Variants in WDR70 observed in about 807,000 individuals in gnomAD.
WDR70 encodes WD repeat-containing protein 70.
In WDR70, 53 loss-of-function variants were observed where a neutral mutation model predicts 88.6. The observed-to-expected ratio is 0.60, with a 90% confidence interval of 0.48 to 0.75. The LOEUF (loss-of-function observed/expected upper bound fraction) is 0.75, where lower values mean the gene tolerates loss of function less well. Among genes scored for constraint, WDR70 ranks in the 30% least tolerant of loss-of-function variants. The probability of loss-of-function intolerance (pLI) is 0.00; values close to 1 mark genes in which losing one functional copy is unlikely to be tolerated. For missense variants in WDR70, 610 were observed against 823.2 expected (o/e 0.74, Z 3.17); for synonymous variants, 280 against 270.0 (o/e 1.04, Z -0.36).
chr5:37,612,811 C>T (rs1004044523), intron 10 of WDR70, among the ~76,000 whole-genome samples: 1 of 152,116 alleles, frequency 6.6e-6, no homozygotes, highest in South Asian at 2.1e-4. Context: ...TTTAGTTATG[C>T]CTGAGTAGAT....
intron 3 of WDR70, among the ~76,000 whole-genome samples, chr5:37,390,526 G>C (rs1028103200): frequency 2.0e-5 from 3 of 151,562 alleles, no homozygotes; most frequent in Admixed American, 2.0e-4. Context: ...ATTTTTAGTA[G>C]AGACGGGGTT....
intron 8 of WDR70, among the ~76,000 whole-genome samples, chr5:37,484,435 A>G (rs1432480357): frequency 1.3e-5 from 2 of 152,182 alleles, no homozygotes; most frequent in African/African-American, 2.4e-5. Context: ...CGCGCCTGCA[A>G]TCGCAGGCAC....
chr5:37,612,035 A>G (rs1403421747), intron 10 of WDR70, among the ~76,000 whole-genome samples: 1 of 152,140 alleles, frequency 6.6e-6, no homozygotes, highest in African/African-American at 2.4e-5. Context: ...TCATTTAACA[A>G]TAATTCACAA....
intron 10 of WDR70, among the ~76,000 whole-genome samples, chr5:37,684,571 G>A (rs975985735): frequency 6.6e-6 from 1 of 152,168 alleles, no homozygotes; most frequent in African/African-American, 2.4e-5. Flanking sequence ...CTAAGGCTCC[G>A]CTCCCACTCC....
intron 11 of WDR70, among the ~76,000 whole-genome samples, chr5:37,698,925 A>C (rs1437504408): frequency 6.6e-6 from 1 of 152,198 alleles, no homozygotes; most frequent in Non-Finnish European, 1.5e-5. Flanking sequence ...GGATATGTAT[A>C]AAATATGTAT....
intron 3 of WDR70, among the ~76,000 whole-genome samples, chr5:37,385,517 T>TAAA (rs1748580926): frequency 4.9e-5 from 1 of 20,582 alleles, no homozygotes; most frequent in Admixed American, 6.0e-4. Context: ...AGAGCCTGTC[T>TAAA]CAAAAAAAAA....
intron 8 of WDR70, among the ~76,000 whole-genome samples, chr5:37,513,087 A>G (rs1161134954): frequency 6.6e-6 from 1 of 152,098 alleles, no homozygotes; most frequent in African/African-American, 2.4e-5. Context: ...GTTCCTGTTT[A>G]TATTCAATTT....
intron 8 of WDR70, among the ~76,000 whole-genome samples, chr5:37,515,275 C>G (rs1193921760): frequency 6.6e-6 from 1 of 152,176 alleles, no homozygotes; most frequent in Non-Finnish European, 1.5e-5. Flanking sequence ...AAGAACAACT[C>G]TCACGTTTTT....
chr5:37,578,427 T>C (rs1202102817), intron 9 of WDR70, among the ~76,000 whole-genome samples: 2 of 152,150 alleles, frequency 1.3e-5, no homozygotes, highest in African/African-American at 2.4e-5. Context: ...AGTTGCAGAG[T>C]AGCAGTGTAA....
chr5:37,724,955 G>T lies in WDR70; in HGVS notation c.1619G>T (p.Arg540Leu). 6.2e-7 allele frequency: 1 copy of T among 1,613,478 alleles called. No homozygotes were observed. Among genetic ancestry groups the T allele is most frequent in the Non-Finnish European group, 8.5e-7 (1 of 1,179,658 alleles). ...GTAGCTCATGCCTTGCCTATGTTCC[G>T]TGAGCCCCGCCAACGGAGTACAAGG... ...IITPHALPMF[R>L]EPRQRSTRKQ... Residue 540 changes from arginine (R) to leucine (L), a missense_variant, in exon 16 of 18, where the codon CGT becomes CTT. Transcript: ENST00000265107.
At chr5:37,489,581 C>T (rs1739999681) in intron 8 of WDR70, among the ~76,000 whole-genome samples, 1 of 152,038 alleles carries the variant, frequency 6.6e-6, no homozygotes, top group South Asian at 2.1e-4. Flanking sequence ...GGTGAACCCC[C>T]AGGCCTTTAG....
Position 37,617,620 on chromosome 5 carries a change from G to A in WDR70, c.1092+12382G>A, listed in dbSNP as rs143635325. 4.2e-3 allele frequency among the ~76,000 whole-genome samples: 632 copies of A among 152,204 alleles called. 4 individuals carry two copies. Among genetic ancestry groups the A allele is most frequent in the Middle Eastern group, 0.02 (6 of 294 alleles). On this transcript the variant is annotated intron_variant, in intron 10 of 17. Coordinates refer to ENST00000265107, the MANE Select transcript of WDR70 (RefSeq NM_018034.4). ...AGAAAAGTTTATATGTCACTGTTAC[G>A]AGCTCTTTGGGGGTGAGAATTTTTT...
intron 8 of WDR70, among the ~76,000 whole-genome samples, chr5:37,483,993 G>T (rs1739768168): frequency 6.6e-6 from 1 of 151,452 alleles, no homozygotes. Flanking sequence ...CATCTCAGAC[G>T]ATGGGCGGCC....
chr5:37,391,889 A>G (rs1748830558), intron 3 of WDR70, 111 bp from the exon 4 acceptor site: 1 of 1,229,184 alleles, frequency 8.1e-7, no homozygotes. Flanking sequence ...TACTGCTAAC[A>G]CTCTAAGTTA....
At chr5:37,575,078 C>T (rs1743013944) in intron 9 of WDR70, among the ~76,000 whole-genome samples, 1 of 152,194 alleles carries the variant, frequency 6.6e-6, no homozygotes, top group Admixed American at 6.5e-5. Flanking sequence ...TCTTACTCAT[C>T]TCTGTGTCCA....
At chr5:37,532,085 C>T (rs1303413726) in intron 9 of WDR70, among the ~76,000 whole-genome samples, 1 of 152,142 alleles carries the variant, frequency 6.6e-6, no homozygotes, top group Non-Finnish European at 1.5e-5. Flanking sequence ...AAAAACAGGA[C>T]CCTAGTCTCT....
intron 7 of WDR70, among the ~76,000 whole-genome samples, chr5:37,453,779 A>G (rs1180358752): frequency 6.6e-6 from 1 of 152,248 alleles, no homozygotes; most frequent in Non-Finnish European, 1.5e-5. Flanking sequence ...ATCAAGTTAC[A>G]TAATTTTAAA....
Position 37,379,513 on chromosome 5 carries a change from C to G in WDR70, c.50C>G (p.Pro17Arg). Reference protein sequence around the residue: ...SEVTGSDASGPDPQLAVTMGF... With the variant: ...SEVTGSDASGRDPQLAVTMGF... Reference sequence around the variant, plus strand: ...GTGACAGGCTCAGACGCGTCGGGACCGGACCCGCAGCTTGCGGTCACCATG... The same window carrying G: ...GTGACAGGCTCAGACGCGTCGGGACGGGACCCGCAGCTTGCGGTCACCATG... Residue 17 changes from proline to arginine, a missense_variant, in exon 2 of 18, where the codon CCG (proline) becomes CGG (arginine). Coordinates refer to ENST00000265107, the MANE Select transcript of WDR70 (RefSeq NM_018034.4). The G allele has an allele frequency of 1.9e-6, 3 of 1,613,978 alleles. No individual in the cohort carries two copies. The highest frequency in any genetic ancestry group is 2.5e-6 in the Non-Finnish European group (3 of 1,179,868).
chr5:37,590,817 A>G (rs1011264952), intron 9 of WDR70, among the ~76,000 whole-genome samples: 1 of 152,146 alleles, frequency 6.6e-6, no homozygotes, highest in African/African-American at 2.4e-5. Flanking sequence ...CTGGAAAAAC[A>G]TAAGGGCCCC....
Sources: gnomAD v4.1 joint callset for allele counts (sites outside exome capture counted in the v4.1 genomes callset) on GRCh38, gnomAD v4.1.1 for gene constraint, MANE v1.5 for transcripts, NCBI Gene and HGNC (gene_info 2026-07-23, HGNC 2026-07-21) for gene names.